Variants in RHOJ observed in about 807,000 individuals in gnomAD.
The protein encoded by RHOJ is rho-related GTP-binding protein RhoJ.
RHOJ carries 11 observed loss-of-function variants against 23.4 expected under a neutral mutation model. That is an observed-to-expected ratio of 0.47 (90% CI 0.30 to 0.78). The LOEUF (loss-of-function observed/expected upper bound fraction) is 0.78. RHOJ is among the 30% of genes least tolerant of loss of function. The pLI is 0.08. For synonymous variants in RHOJ, 102 were observed against 102.7 expected, an observed-to-expected ratio of 0.99 and a Z score of 0.04; for missense variants, 254 against 273.4, an observed-to-expected ratio of 0.93 and a Z score of 0.50.
intron 1 of RHOJ, 21 bp downstream of exon 1, chr14:63,205,068 C>A (rs558425531): frequency 1.2e-6 from 2 of 1,605,176 alleles, no homozygotes; most frequent in Admixed American, 1.7e-5. Flanking sequence ...GTGGGAAACT[C>A]TCTGCATCCA....
chr14:63,287,967 A>G (rs1882133161), intron 4 of RHOJ, among the ~76,000 whole-genome samples: 1 of 152,166 alleles, frequency 6.6e-6, no homozygotes, highest in African/African-American at 2.4e-5. Context: ...TTTTTTAGCA[A>G]TCTGGCTGTG....
chr14:63,258,787 G>A (rs1895224300), intron 1 of RHOJ, among the ~76,000 whole-genome samples: 1 of 152,216 alleles, frequency 6.6e-6, no homozygotes. Flanking sequence ...TATGGTTCAG[G>A]ATTTGAATCC....
chr14:63,214,387 T>C (rs1200401796), intron 1 of RHOJ, among the ~76,000 whole-genome samples: 1 of 152,250 alleles, frequency 6.6e-6, no homozygotes, highest in Non-Finnish European at 1.5e-5. Context: ...CCCTTCTTTA[T>C]GCTGTAATGG....
chr14:63,281,083 C>A lies in RHOJ; in HGVS notation c.350C>A (p.Pro117His). 6.2e-7 allele frequency: 1 copy of A among 1,614,044 alleles called. No individual in the cohort carries two copies. Among genetic ancestry groups the A allele is most frequent in the Non-Finnish European group, 8.5e-7 (1 of 1,179,976 alleles). The stretch of plus-strand genomic sequence containing the variant: ...CACAATGTCCAGGAGGAATGGGTCC[C>A]CGAGCTCAAGGACTGCATGCCTCAC... ...SYHNVQEEWV[P>H]ELKDCMPHVP... The change falls in exon 3 of 5, where the codon CCC (proline) becomes CAC (histidine). Residue 117 changes from proline (P) to histidine (H), a missense_variant. By Grantham distance (77) the Pro-to-His change is moderately conservative. Coordinates refer to ENST00000316754, the MANE Select transcript of RHOJ (RefSeq NM_020663.5).
chr14:63,265,540 A>G (rs1035995627), intron 1 of RHOJ, among the ~76,000 whole-genome samples: 6 of 152,224 alleles, frequency 3.9e-5, no homozygotes, highest in Non-Finnish European at 7.4e-5. Context: ...TTAGAATAGT[A>G]TTTCCTAATT....
chr14:63,292,692 TAATC>T lies in RHOJ; in HGVS notation c.*1669_*1672del, dbSNP rs1882287556. The stretch of plus-strand genomic sequence containing the variant: ...AGCCAGGCACCGTGGCTCATGCCTG[TAATC>T]CCAACACTTAGGGAGGCTGAGGTGG... On this transcript the variant is annotated 3_prime_UTR_variant, in exon 5 of 5. Transcript: ENST00000316754. 1 of 152,218 alleles carries T rather than the reference TAATC, an allele frequency of 6.6e-6. No individual in the cohort carries two copies. Among genetic ancestry groups the T allele is most frequent in the African/African-American group, 2.4e-5 (1 of 41,426 alleles). 9.4% of individuals were successfully genotyped at this position (152,218 alleles called of 1,614,324 possible).
chr14:63,217,084 T>C (rs1467583763), intron 1 of RHOJ, among the ~76,000 whole-genome samples: 1 of 47,090 alleles, frequency 2.1e-5, no homozygotes, highest in Admixed American at 3.5e-4. Flanking sequence ...TTTCTTTTTT[T>C]CTTTTTTTTT....
At chr14:63,262,833 T>A (rs1433556226) in intron 1 of RHOJ, among the ~76,000 whole-genome samples, 1 of 152,210 alleles carries the variant, frequency 6.6e-6, no homozygotes, top group Non-Finnish European at 1.5e-5. Context: ...CCCTCAAGGA[T>A]CTTCCTGTCC....
At chr14:63,224,949 T>C (rs1009591989) in intron 1 of RHOJ, among the ~76,000 whole-genome samples, 1 of 116,858 alleles carries the variant, frequency 8.6e-6, no homozygotes, top group Non-Finnish European at 1.7e-5. Context: ...CTATCATTTA[T>C]ACTTTTTTTT....
chr14:63,217,894 T>C (rs1894400427), intron 1 of RHOJ, among the ~76,000 whole-genome samples: 1 of 152,224 alleles, frequency 6.6e-6, no homozygotes, highest in Non-Finnish European at 1.5e-5. Context: ...TGGGAATAGA[T>C]ATCTTGTCGA....
intron 3 of RHOJ, among the ~76,000 whole-genome samples, chr14:63,282,262 C>T (rs914684038): frequency 6.8e-6 from 1 of 147,992 alleles, no homozygotes; most frequent in Admixed American, 6.7e-5. Flanking sequence ...CAAAATTGAA[C>T]AATTATCACA....
chr14:63,286,698 TAAAC>T (rs1360587638), intron 4 of RHOJ, among the ~76,000 whole-genome samples: 1 of 152,224 alleles, frequency 6.6e-6, no homozygotes, highest in African/African-American at 2.4e-5. Flanking sequence ...CAGAAACTGT[TAAAC>T]AGTCTCTTAG....
intron 2 of RHOJ, among the ~76,000 whole-genome samples, chr14:63,271,768 T>A (rs1895475034): frequency 6.6e-6 from 1 of 152,146 alleles, no homozygotes. Flanking sequence ...CTAATTTTTG[T>A]GTTTTTTTTC....
At chr14:63,284,637 C>T (rs1882021941) in intron 4 of RHOJ, among the ~76,000 whole-genome samples, 1 of 152,172 alleles carries the variant, frequency 6.6e-6, no homozygotes, top group Admixed American at 6.5e-5. Context: ...CTACCTTCTC[C>T]TCAAACATTC....
chr14:63,254,127 C>T (rs1022319948), intron 1 of RHOJ, among the ~76,000 whole-genome samples: 1 of 152,100 alleles, frequency 6.6e-6, no homozygotes, highest in Admixed American at 6.6e-5. Context: ...CACACAGGAC[C>T]GGATCAGCAT....
At chr14:63,243,695 A>G (rs1894925353) in intron 1 of RHOJ, among the ~76,000 whole-genome samples, 2 of 152,274 alleles carry the variant, frequency 1.3e-5, no homozygotes, top group South Asian at 4.2e-4. Context: ...CCAACACCAT[A>G]TTTTAAGTCT....
At chr14:63,214,717 C>G (rs1002051358) in intron 1 of RHOJ, among the ~76,000 whole-genome samples, 6 of 152,118 alleles carry the variant, frequency 3.9e-5, no homozygotes, top group Admixed American at 2.6e-4. Flanking sequence ...GGGAGTCAGA[C>G]TAGAGGCAAG....
intron 1 of RHOJ, among the ~76,000 whole-genome samples, chr14:63,243,170 A>G (rs1451987963): frequency 6.6e-6 from 1 of 152,230 alleles, no homozygotes; most frequent in Non-Finnish European, 1.5e-5. Flanking sequence ...CAATCTGAAC[A>G]AGCTCTTTTA....
chr14:63,215,488 A>G (rs1894335654), intron 1 of RHOJ, among the ~76,000 whole-genome samples: 1 of 152,214 alleles, frequency 6.6e-6, no homozygotes, highest in African/African-American at 2.4e-5. Flanking sequence ...CAAGTTACTT[A>G]ATTAGCTAAC....
Sources: gnomAD v4.1 joint callset for allele counts (sites outside exome capture counted in the v4.1 genomes callset) on GRCh38, gnomAD v4.1.1 for gene constraint, MANE v1.5 for transcripts, NCBI Gene and HGNC (gene_info 2026-07-23, HGNC 2026-07-21) for gene names.